HERC1: variants seen among roughly 807,000 people sequenced by gnomAD.
The protein encoded by HERC1 is probable E3 ubiquitin-protein ligase HERC1.
A neutral mutation model predicts 554.3 loss-of-function variants in HERC1; 160 were observed. That is an observed-to-expected ratio of 0.29 (90% CI 0.25 to 0.33). HERC1 has a LOEUF of 0.33. HERC1 is among the 10% of genes least tolerant of loss of function. HERC1 has a pLI of 1.00. For synonymous variants in HERC1, 2,175 were observed against 2,131.7 expected (o/e 1.02, Z -0.56); for missense variants, 4,919 against 5,918.5 (o/e 0.83, Z 5.54).
At chr15:63,647,072 T>A (rs1428286536) in intron 55 of HERC1, among the ~76,000 whole-genome samples, 2 of 151,886 alleles carry the variant, frequency 1.3e-5, no homozygotes, top group African/African-American at 4.8e-5. Context: ...CTGACCAACA[T>A]GGTGAAACCC....
In HERC1 at chr15:63,692,617, G is replaced by A; in HGVS notation, c.5675-51C>T. On this transcript the variant is annotated intron_variant, in intron 30 of 77. Transcript: ENST00000443617. This position sits in a 1 kb window ranked among gnomAD's most constrained non-coding sequence, Gnocchi z 4.7. ...TACAACCAAGAGCCAACAAGAAATA[G>A]TCTTATATCACATAATTTACCTTGA... 6.9e-7 allele frequency: 1 copy of A among 1,450,688 alleles called. No individual in the cohort carries two copies. Among genetic ancestry groups the A allele is most frequent in the Non-Finnish European group, 9.2e-7 (1 of 1,083,464 alleles). The allele number at this position is 1,450,688 out of a possible 1,614,324, so 89.9% of individuals were successfully genotyped here.
At chr15:63,788,003 C>T (rs1456650006) in intron 1 of HERC1, among the ~76,000 whole-genome samples, 1 of 148,948 alleles carries the variant, frequency 6.7e-6, no homozygotes, top group African/African-American at 2.5e-5. Context: ...AACAAAAAAC[C>T]TTACAAGCCA....
chr15:63,793,631 T>A (rs951797372), intron 1 of HERC1, among the ~76,000 whole-genome samples: 2 of 152,188 alleles, frequency 1.3e-5, no homozygotes, highest in African/African-American at 4.8e-5. Context: ...GGAGCAGACA[T>A]TCTTTATTCC....
At chr15:63,778,545 A>G (rs1361199680) in intron 1 of HERC1, among the ~76,000 whole-genome samples, 2 of 152,204 alleles carry the variant, frequency 1.3e-5, no homozygotes, top group African/African-American at 4.8e-5. Flanking sequence ...GTAAAAGAAG[A>G]AAAAGGGGAA....
chr15:63,824,603 A>C (rs2145864144), intron 1 of HERC1, among the ~76,000 whole-genome samples: 1 of 152,232 alleles, frequency 6.6e-6, no homozygotes, highest in South Asian at 2.1e-4. Context: ...GTTTTAACCC[A>C]AAAGAAATAA....
chr15:63,778,097 G>C (rs2076165985), intron 1 of HERC1, among the ~76,000 whole-genome samples: 1 of 152,166 alleles, frequency 6.6e-6, no homozygotes, highest in South Asian at 2.1e-4. Flanking sequence ...CACACCTGTA[G>C]CATAACTTGA....
chr15:63,698,482 T>C (rs1005634325), intron 26 of HERC1, among the ~76,000 whole-genome samples: 2 of 151,726 alleles, frequency 1.3e-5, no homozygotes, highest in African/African-American at 4.8e-5. Context: ...CCCTAGTTTG[T>C]AGGAGACATG....
chr15:63,692,532 A>G lies in HERC1; in HGVS notation c.5709T>C (p.His1903=). The change falls in exon 31 of 78, where the codon CAT becomes CAC. Residue 1903 remains histidine (H), a synonymous_variant. Coordinates refer to ENST00000443617, the MANE Select transcript of HERC1 (RefSeq NM_003922.4). The surrounding 1 kb of genome is among the most constrained non-coding windows in gnomAD (Gnocchi z 4.7). ...ALRKQHAAEL[H]LGDFLVFLRR... ...GAAGAAAAACTAAAAAATCCCCTAG[A>G]TGGAGTTCGGCTGCATGTTGTTTCC... 2 of 1,612,020 alleles carry G rather than the reference A, an allele frequency of 1.2e-6. No individual in the cohort carries two copies. Among genetic ancestry groups the G allele is most frequent in the Non-Finnish European group, 1.7e-6 (2 of 1,179,356 alleles).
At chr15:63,747,682 GCACA>G in intron 11 of HERC1, 38 bp downstream of exon 11, 1 of 1,068,488 alleles carries the variant, frequency 9.4e-7, no homozygotes, top group Non-Finnish European at 1.4e-6. Flanking sequence ...ACACGCGCGC[GCACA>G]CACACACACA....
chr15:63,680,329 CA>C lies in HERC1; in HGVS notation c.6466-170del, dbSNP rs1265791226. On this transcript the variant is annotated intron_variant, in intron 35 of 77. Transcript: ENST00000443617. This position sits in a 1 kb window ranked among gnomAD's most constrained non-coding sequence, Gnocchi z 5.8. The stretch of plus-strand genomic sequence containing the variant: ...GAAAATTCTACATATAATAAGTGAT[CA>C]TAATGTGTTCATCTGTTTCAAAAAT... Among the ~76,000 whole-genome samples, 1 of 151,844 alleles carries C rather than the reference CA, an allele frequency of 6.6e-6. No individual in the cohort carries two copies. The highest frequency in any genetic ancestry group is 2.4e-5 in the African/African-American group (1 of 41,352).
At position 63,763,579 on chromosome 15, in the gene HERC1, CTTT is replaced by C. The variant is rs368105722; in HGVS notation, c.1026+514_1026+516del. Among the ~76,000 whole-genome samples, 182 of 141,838 alleles carry C rather than the reference CTTT, an allele frequency of 1.3e-3. 1 individual carries two copies. Among genetic ancestry groups the C allele is most frequent in the African/African-American group, 4.6e-3 (177 of 38,746 alleles). 93.1% of individuals were successfully genotyped at this position (141,838 alleles called of 152,430 possible). On this transcript the variant is annotated intron_variant, in intron 3 of 77. Transcript: ENST00000443617. ...AGATTAAAATATTTAAAAGACTTTC[CTTT>C]TTTTTTTTTTAATGGGCAAGACTAT...
chr15:63,832,283 G>T (rs924192237), intron 1 of HERC1, among the ~76,000 whole-genome samples: 6 of 152,162 alleles, frequency 3.9e-5, no homozygotes, highest in African/African-American at 1.4e-4. Flanking sequence ...GTGTGTGTGT[G>T]TGTGTCTCTA....
chr15:63,775,170 A>C lies in HERC1; in HGVS notation c.454T>G (p.Ser152Ala). ...ATTTCTATAAGTGCATCAGTGCTTG[A>C]CCGGGGGCGTTCACTAACAGAATGG... ...DVHSVSERPR[S>A]STDALIEMGV... is the part of the protein sequence containing the mutation. The change falls in exon 2 of 78, where the codon TCA (serine) becomes GCA (alanine). Residue 152 changes from serine to alanine, a missense_variant. Ser to Ala is a moderately conservative substitution (Grantham distance 99). Transcript: ENST00000443617. The surrounding 1 kb of genome is among the most constrained non-coding windows in gnomAD (Gnocchi z 4.0). 6.2e-7 allele frequency: 1 copy of C among 1,614,004 alleles called. No individual in the cohort carries two copies. The highest frequency in any genetic ancestry group is 8.5e-7 in the Non-Finnish European group (1 of 1,179,890).
At chr15:63,609,410 A>G in intron 77 of HERC1, 144 bp from the exon 78 acceptor site, 1 of 744,138 alleles carries the variant, frequency 1.3e-6, no homozygotes, top group African/African-American at 1.8e-5. Flanking sequence ...ACTGGGCCAG[A>G]TAGAATGAGC....
chr15:63,709,741 A>C (rs1265275275), intron 24 of HERC1, among the ~76,000 whole-genome samples: 1 of 152,224 alleles, frequency 6.6e-6, no homozygotes, highest in East Asian at 1.9e-4. Context: ...ACTGTGTAGG[A>C]GATATCAGGG....
At chr15:63,793,354 G>C (rs1323686313) in intron 1 of HERC1, among the ~76,000 whole-genome samples, 1 of 152,220 alleles carries the variant, frequency 6.6e-6, no homozygotes, top group African/African-American at 2.4e-5. Flanking sequence ...AGTGGCCTCT[G>C]GTAGTCCATA....
chr15:63,811,818 A>AG (rs1418113623), intron 1 of HERC1, among the ~76,000 whole-genome samples: 97 of 151,876 alleles, frequency 6.4e-4, no homozygotes, highest in African/African-American at 2.2e-3. Flanking sequence ...CCAAAAAAAA[A>AG]AAAAAAAAAA....
rs771839545 is a variant in HERC1, at chr15:63,690,562, T to C, written c.5916A>G (p.Val1972=). ...EAVLPACESG[V]EDDQMAQIVE... ...AAACCTGGGCCATTTGATCATCTTC[T>C]ACACCAGATTCACAAGCTGGCAGCA... The change falls in exon 32 of 78, where the codon GTA becomes GTG. Residue 1972 remains valine (V), a synonymous_variant. Transcript: ENST00000443617. The C allele has an allele frequency of 4.3e-6, 7 of 1,611,400 alleles. No individual in the cohort carries two copies. Among genetic ancestry groups the C allele is most frequent in the Non-Finnish European group, 5.1e-6 (6 of 1,178,116 alleles).
intron 31 of HERC1, among the ~76,000 whole-genome samples, chr15:63,691,108 A>G (rs1480067695): frequency 1.3e-5 from 2 of 152,198 alleles, no homozygotes; most frequent in African/African-American, 4.8e-5. Context: ...CTCTCCGTCC[A>G]TGCACTGACT....
Sources: gnomAD v4.1 joint callset for allele counts (sites outside exome capture counted in the v4.1 genomes callset) on GRCh38, gnomAD v4.1.1 for gene constraint, Gnocchi (gnomAD v3.1) non-coding constraint, MANE v1.5 for transcripts, NCBI Gene and HGNC (gene_info 2026-07-23, HGNC 2026-07-21) for gene names.